The following ZDHHC20 variants were observed in gnomAD, a reference collection of about 807,000 sequenced individuals.
The protein encoded by ZDHHC20 is palmitoyltransferase ZDHHC20.
A neutral mutation model predicts 57.8 loss-of-function variants in ZDHHC20; 43 were observed. The observed-to-expected ratio is 0.74, with a 90% CI of 0.58 to 0.96. The LOEUF is 0.96. ZDHHC20 is among the 40% of genes least tolerant of loss of function. The pLI is 0.00. For synonymous variants in ZDHHC20, 157 were observed against 153.0 expected (o/e 1.03, Z -0.19); for missense variants, 391 against 441.1 (o/e 0.89, Z 1.02).
At chr13:21,408,460 G>C (rs1253865684) in intron 4 of ZDHHC20, among the ~76,000 whole-genome samples, 2 of 152,132 alleles carry the variant, frequency 1.3e-5, no homozygotes, top group Non-Finnish European at 2.9e-5. Context: ...TTTGCGCATT[G>C]GTTTTGTATC....
intron 4 of ZDHHC20, 79 bp from the exon 5 acceptor site, chr13:21,402,945 A>G (rs1877913505): frequency 6.4e-6 from 7 of 1,095,050 alleles, no homozygotes; most frequent in Non-Finnish European, 9.4e-6. Context: ...GATTTTCTAA[A>G]AAAAATAACT....
chr13:21,414,434 C>T (rs1203256588), intron 3 of ZDHHC20, among the ~76,000 whole-genome samples: 1 of 151,140 alleles, frequency 6.6e-6, no homozygotes, highest in Non-Finnish European at 1.5e-5. Flanking sequence ...GATTTCGGCT[C>T]ACTGCAAGCT....
At chr13:21,427,109 T>G (rs1489029055) in intron 1 of ZDHHC20, among the ~76,000 whole-genome samples, 1 of 152,212 alleles carries the variant, frequency 6.6e-6, no homozygotes, top group Non-Finnish European at 1.5e-5. Flanking sequence ...ATATCACCAC[T>G]GATCACTCTT....
chr13:21,437,287 G>A (rs1045101167), intron 1 of ZDHHC20, among the ~76,000 whole-genome samples: 4 of 152,210 alleles, frequency 2.6e-5, no homozygotes, highest in Admixed American at 2.6e-4. Context: ...TTATGTAAAA[G>A]CTGCAGCAAG....
intron 7 of ZDHHC20, among the ~76,000 whole-genome samples, chr13:21,393,491 G>A (rs1876154524): frequency 6.8e-6 from 1 of 146,068 alleles, no homozygotes; most frequent in East Asian, 2.0e-4. Flanking sequence ...GATCACCTGA[G>A]GTCAAGAGTT....
chr13:21,445,314 T>C (rs1593277670), intron 1 of ZDHHC20, among the ~76,000 whole-genome samples: 1 of 152,150 alleles, frequency 6.6e-6, no homozygotes, highest in Admixed American at 6.5e-5. Flanking sequence ...ATGTATCAAT[T>C]GTATGGCCTC....
intron 5 of ZDHHC20, 43 bp from the exon 6 acceptor site, chr13:21,401,728 CTTCTAA>C (rs760913697): frequency 3.4e-5 from 49 of 1,461,232 alleles, no homozygotes; most frequent in South Asian, 1.9e-4. Flanking sequence ...CAGAAAAATT[CTTCTAA>C]TTCTAACTTC....
chr13:21,455,084 C>G (rs1367366877), intron 1 of ZDHHC20, among the ~76,000 whole-genome samples: 1 of 152,162 alleles, frequency 6.6e-6, no homozygotes, highest in African/African-American at 2.4e-5. Flanking sequence ...CCACACTCGG[C>G]TAATTTTTTG....
intron 1 of ZDHHC20, among the ~76,000 whole-genome samples, chr13:21,457,716 T>C (rs1363590468): frequency 1.3e-5 from 2 of 152,242 alleles, no homozygotes; most frequent in East Asian, 1.9e-4. Flanking sequence ...AAGCATTCTC[T>C]TCCATGTATA....
At chr13:21,381,865 G>A (rs1566062098) in intron 10 of ZDHHC20, 2 of 570,556 alleles carry the variant, frequency 3.5e-6, no homozygotes, top group Non-Finnish European at 3.4e-6. Flanking sequence ...AAGGACAGGT[G>A]AGGATCTATA....
In ZDHHC20 at chr13:21,387,625, C is replaced by A; in HGVS notation, c.737G>T (p.Arg246Leu). The change falls in exon 9 of 13, where the codon CGC becomes CTC. Residue 246 changes from arginine (R) to leucine (L), a missense_variant. Physicochemically the swap from Arg to Leu is moderately radical, Grantham distance 102. Around this residue, in one of 3 missense-constraint regions of ZDHHC20, gnomAD observed 197 missense variants for 220.8 expected, o/e 0.89. Transcript: ENST00000400590. ...GKNRTTIESF[R>L]APTFSYGPDG... ...AGGTCCGTATGAAAACGTGGGTGCG[C>A]GGAATGATTCTGTTAAATATACATA... 1 of 1,453,898 alleles carries A rather than the reference C, an allele frequency of 6.9e-7. No homozygotes were observed. The highest frequency in any genetic ancestry group is 9.1e-7 in the Non-Finnish European group (1 of 1,097,446). The allele number at this position is 1,453,898 out of a possible 1,614,324, so 90.1% of individuals were successfully genotyped here. A position where few individuals can be genotyped will look rare whatever the true frequency, so the allele number is the denominator to read the frequency against.
intron 11 of ZDHHC20, among the ~76,000 whole-genome samples, chr13:21,379,529 G>A (rs930545148): frequency 6.6e-6 from 1 of 152,204 alleles, no homozygotes; most frequent in Admixed American, 6.5e-5. Context: ...TGATCCTCCT[G>A]CCTCAGCCTC....
chr13:21,384,946 T>C (rs926134735), intron 9 of ZDHHC20, among the ~76,000 whole-genome samples: 1 of 151,682 alleles, frequency 6.6e-6, no homozygotes, highest in African/African-American at 2.4e-5. Context: ...GTAGCACATA[T>C]GTGATCTATA....
intron 11 of ZDHHC20, among the ~76,000 whole-genome samples, chr13:21,380,796 A>C (rs1213365973): frequency 1.3e-5 from 2 of 151,770 alleles, no homozygotes; most frequent in Non-Finnish European, 2.9e-5. Flanking sequence ...ATCTCAAAAA[A>C]AAAAAAAGAA....
intron 4 of ZDHHC20, among the ~76,000 whole-genome samples, chr13:21,406,551 C>T (rs1878475676): frequency 6.6e-6 from 1 of 151,472 alleles, no homozygotes; most frequent in Admixed American, 6.6e-5. Flanking sequence ...CACCCCCCGA[C>T]AGGCCCCAGT....
At chr13:21,420,537 T>C (rs1387419114) in intron 3 of ZDHHC20, among the ~76,000 whole-genome samples, 1 of 152,154 alleles carries the variant, frequency 6.6e-6, no homozygotes, top group Non-Finnish European at 1.5e-5. Context: ...TATGGAGAGG[T>C]AAGAGAGACA....
chr13:21,422,243 G>A (rs1303382376), intron 2 of ZDHHC20, among the ~76,000 whole-genome samples: 1 of 150,502 alleles, frequency 6.6e-6, no homozygotes, highest in East Asian at 1.9e-4. Context: ...AAGTGATAAA[G>A]TGTTCACTGG....
intron 9 of ZDHHC20, among the ~76,000 whole-genome samples, chr13:21,385,779 A>G (rs1160070870): frequency 1.3e-5 from 2 of 152,236 alleles, no homozygotes; most frequent in Admixed American, 6.5e-5. Context: ...AATGAACCCC[A>G]GGGAGGATAA....
chr13:21,434,163 A>G (rs1413363342), intron 1 of ZDHHC20, among the ~76,000 whole-genome samples: 2 of 152,144 alleles, frequency 1.3e-5, no homozygotes, highest in Non-Finnish European at 2.9e-5. Context: ...AATACCTGAT[A>G]AGTTGATACC....
Sources: allele counts gnomAD v4.1 joint callset (sites outside exome capture counted in the v4.1 genomes callset), GRCh38; gene constraint gnomAD v4.1.1; regional missense constraint gnomAD v4.1.1; transcripts MANE v1.5; gene names NCBI Gene and HGNC (gene_info 2026-07-23, HGNC 2026-07-21).